MTURN: variants seen among roughly 807,000 people sequenced by gnomAD.
MTURN encodes the protein maturin, neural progenitor differentiation regulator homolog.
In MTURN, 7 loss-of-function variants were observed where a neutral mutation model predicts 14.9. The observed-to-expected ratio is 0.47, with a 90% CI of 0.27 to 0.88. The LOEUF (loss-of-function observed/expected upper bound fraction) is 0.88. Ranked by LOEUF, MTURN falls within the 40% of genes least tolerant of loss-of-function variation. The pLI is 0.14. For synonymous variants in MTURN, 69 were observed against 72.5 expected (o/e 0.95, Z 0.25); for missense variants, 151 against 174.1 (o/e 0.87, Z 0.75).
At chr7:30,147,467 G>A (rs1797146088) in intron 2 of MTURN, among the ~76,000 whole-genome samples, 2 of 152,134 alleles carry the variant, frequency 1.3e-5, no homozygotes. Context: ...CCTCCTCCTC[G>A]TTCTGAGGGT....
At chr7:30,145,742 A>C in intron 1 of MTURN, 2 of 1,276,574 alleles carry the variant, frequency 1.6e-6, no homozygotes, top group South Asian at 1.6e-5. Context: ...TCTTGTTCCA[A>C]GTTAATGCTT....
rs374404808 is a variant in MTURN at position 30,149,645 on chromosome 7, G to T, written c.285+3346G>T. On this transcript the variant is annotated intron_variant, in intron 2 of 2. Transcript: ENST00000324453. Reference sequence around the variant, plus strand: ...GGCACCATTTATCTGTTTGTTTTACGTAAGGGAGGTTTGTTACAGATAAGA... The same window carrying T: ...GGCACCATTTATCTGTTTGTTTTACTTAAGGGAGGTTTGTTACAGATAAGA... Among the ~76,000 whole-genome samples the T allele has an allele frequency of 2.6e-5, 4 of 152,282 alleles. No homozygotes were observed. In the East Asian group the frequency reaches 7.7e-4, roughly 29 times the overall value.
intron 2 of MTURN, 30 bp downstream of exon 2, chr7:30,146,329 CTTG>C: frequency 6.2e-7 from 1 of 1,612,160 alleles, no homozygotes; most frequent in Non-Finnish European, 8.5e-7. Flanking sequence ...CTCACCACAG[CTTG>C]TTTTCTATGG....
intron 2 of MTURN, among the ~76,000 whole-genome samples, chr7:30,154,422 C>G (rs1282470976): frequency 6.6e-6 from 1 of 152,204 alleles, no homozygotes; most frequent in African/African-American, 2.4e-5. Context: ...AGGAGTGACT[C>G]TCTTGGCCAC....
At chr7:30,146,078 GA>G in intron 1 of MTURN, 98 bp from the exon 2 acceptor site, 1 of 1,599,028 alleles carries the variant, frequency 6.3e-7, no homozygotes, top group Non-Finnish European at 8.5e-7. Flanking sequence ...TCTTCAAATT[GA>G]TGTTATTAAG....
chr7:30,140,125 T>C (rs895085691), intron 1 of MTURN, among the ~76,000 whole-genome samples: 1 of 152,122 alleles, frequency 6.6e-6, no homozygotes, highest in East Asian at 1.9e-4. Flanking sequence ...TTCCTTGTCT[T>C]AGGCCACGAG....
chr7:30,146,337 C>G lies in MTURN; in HGVS notation c.285+38C>G, dbSNP rs780404635. 4 of 1,610,926 alleles carry G rather than the reference C, an allele frequency of 2.5e-6. No homozygotes were observed. In the Admixed American group the frequency reaches 5.0e-5, roughly 20 times the overall value. On this transcript the variant is annotated intron_variant, in intron 2 of 2. Coordinates refer to ENST00000324453, the MANE Select transcript of MTURN (RefSeq NM_152793.3). The stretch of plus-strand genomic sequence containing the variant: ...TTGGCTTCTCACCACAGCTTGTTTT[C>G]TATGGTGATTGTGTTTAGAATAACA...
intron 1 of MTURN, 170 bp from the exon 2 acceptor site, chr7:30,146,007 T>TC: frequency 6.4e-7 from 1 of 1,550,904 alleles, no homozygotes; most frequent in Non-Finnish European, 8.7e-7. Flanking sequence ...CATTTTTTCT[T>TC]CCCTTTCAAC....
At chr7:30,139,243 T>C (rs765434160) in intron 1 of MTURN, among the ~76,000 whole-genome samples, 9 of 152,254 alleles carry the variant, frequency 5.9e-5, no homozygotes, top group Non-Finnish European at 1.0e-4. Flanking sequence ...CCATCACTTA[T>C]GTTCAGTTTA....
chr7:30,142,381 A>G (rs901660178), intron 1 of MTURN, among the ~76,000 whole-genome samples: 5 of 152,132 alleles, frequency 3.3e-5, no homozygotes, highest in Non-Finnish European at 5.9e-5. Flanking sequence ...GGAGCTGGCT[A>G]TAGTCAGTAA....
chr7:30,144,167 G>C (rs934776855), intron 1 of MTURN, among the ~76,000 whole-genome samples: 1 of 152,220 alleles, frequency 6.6e-6, no homozygotes, highest in Admixed American at 6.5e-5. Flanking sequence ...AATATTCACT[G>C]CATGTCAGCT....
At chr7:30,143,832 A>G (rs1797089951) in intron 1 of MTURN, among the ~76,000 whole-genome samples, 1 of 152,272 alleles carries the variant, frequency 6.6e-6, no homozygotes, top group African/African-American at 2.4e-5. Context: ...ATTACCAAGC[A>G]GTGGTGGCTA....
intron 1 of MTURN, chr7:30,145,794 AAAG>A (rs1797120394): frequency 6.7e-7 from 1 of 1,496,216 alleles, no homozygotes; most frequent in African/African-American, 1.4e-5. Context: ...AGCTGAAAGC[AAAG>A]TTAAGGATTT....
chr7:30,143,259 C>A (rs1797079032), intron 1 of MTURN, among the ~76,000 whole-genome samples: 1 of 152,132 alleles, frequency 6.6e-6, no homozygotes, highest in African/African-American at 2.4e-5. Context: ...GCTTTGCTGG[C>A]AAATCTGTGT....
intron 2 of MTURN, among the ~76,000 whole-genome samples, chr7:30,151,015 C>A (rs1265596417): frequency 6.6e-6 from 1 of 152,218 alleles, no homozygotes; most frequent in Non-Finnish European, 1.5e-5. Flanking sequence ...TAAATTTAGT[C>A]TCAGTTTCTG....
chr7:30,142,249 G>A lies in MTURN; in HGVS notation c.163-3928G>A, dbSNP rs1161448451. Reference sequence around the variant, plus strand: ...CTCTGGCCTGACTTCACAGGAAGAAGGGTCGCAGATGGCCTATACTCAAAT... The same window carrying A: ...CTCTGGCCTGACTTCACAGGAAGAAAGGTCGCAGATGGCCTATACTCAAAT... On this transcript the variant is annotated intron_variant, in intron 1 of 2. Coordinates refer to ENST00000324453, the MANE Select transcript of MTURN (RefSeq NM_152793.3). 2.0e-5 allele frequency among the ~76,000 whole-genome samples: 3 copies of A among 152,328 alleles called. No individual in the cohort carries two copies. The South Asian group carries it at 6.2e-4, about 32-fold the overall frequency.
At chr7:30,142,818 TAG>T (rs1259458582) in intron 1 of MTURN, among the ~76,000 whole-genome samples, 1 of 152,212 alleles carries the variant, frequency 6.6e-6, no homozygotes, top group Non-Finnish European at 1.5e-5. Flanking sequence ...ACCGCCTTAT[TAG>T]AGAGTCAGTA....
chr7:30,155,423 A>G (rs1204097776), intron 2 of MTURN, among the ~76,000 whole-genome samples: 1 of 152,238 alleles, frequency 6.6e-6, no homozygotes, highest in East Asian at 1.9e-4. Flanking sequence ...CACCAAGTGT[A>G]GTCATCGACG....
rs771546863 is a variant in MTURN, at chr7:30,158,401, C to T, written c.*853C>T. On this transcript the variant is annotated 3_prime_UTR_variant, in exon 3 of 3. Coordinates refer to ENST00000324453, the MANE Select transcript of MTURN (RefSeq NM_152793.3). ...CATGAAAACATCCAGAATTCAAGTGCCGCTTAAACTTTGAAGCCATAGATA... is the reference window on the plus strand; with the variant it reads ...CATGAAAACATCCAGAATTCAAGTGTCGCTTAAACTTTGAAGCCATAGATA... The T allele has an allele frequency of 6.6e-6, 1 of 152,474 alleles. No individual in the cohort carries two copies. 9.4% of individuals were successfully genotyped at this position (152,474 alleles called of 1,614,324 possible).
Sources: gnomAD v4.1 joint callset for allele counts (sites outside exome capture counted in the v4.1 genomes callset) on GRCh38, gnomAD v4.1.1 for gene constraint, MANE v1.5 for transcripts, NCBI Gene and HGNC (gene_info 2026-07-23, HGNC 2026-07-21) for gene names.